The following DHX57 variants were observed in gnomAD, a reference collection of about 807,000 sequenced individuals.
DHX57 encodes the protein DExH-box helicase 57.
A neutral mutation model predicts 156.2 loss-of-function variants in DHX57; 105 were observed. The observed-to-expected ratio is 0.67, with a 90% CI of 0.57 to 0.79. The LOEUF is 0.79. Ranked by LOEUF, DHX57 falls within the 30% of genes least tolerant of loss-of-function variation. DHX57 has a pLI of 0.00. For synonymous variants in DHX57, 704 were observed against 595.6 expected (o/e 1.18, Z -2.65); for missense variants, 1,847 against 1,661.9 (o/e 1.11, Z -1.94).
rs754147605 is a variant in DHX57, at chr2:38,856,424, T to A, written c.1625A>T (p.Gln542Leu). The A allele has an allele frequency of 4.3e-6, 7 of 1,613,978 alleles. No homozygotes were observed. The highest frequency in any genetic ancestry group is 4.2e-6 in the Non-Finnish European group (5 of 1,179,978). ...TCTTTCTTCCCAAGCAGGGAGTGAT[T>A]GCCTCTCTTGCAGAATGGACTGGAA... ...RQFQSILQERQSLPAWEERET... is the reference protein window; with the variant it reads ...RQFQSILQERLSLPAWEERET... The change falls in exon 7 of 24, where the codon CAA (glutamine) becomes CTA (leucine). Residue 542 changes from glutamine (Q) to leucine (L), a missense_variant. Physicochemically the swap from Gln to Leu is moderately radical, Grantham distance 113. Coordinates refer to ENST00000457308, the MANE Select transcript of DHX57 (RefSeq NM_198963.3).
intron 13 of DHX57, among the ~76,000 whole-genome samples, chr2:38,837,109 A>C (rs1442517838): frequency 6.6e-6 from 1 of 152,082 alleles, no homozygotes; most frequent in African/African-American, 2.4e-5. Flanking sequence ...TTGGCCTCTC[A>C]AAGTGCTGGG....
At chr2:38,843,253 T>A (rs749442201) in intron 11 of DHX57, 43 bp from the exon 12 acceptor site, 14 of 1,600,646 alleles carry the variant, frequency 8.7e-6, no homozygotes, top group Admixed American at 3.3e-5. Context: ...TGTGGTCCTG[T>A]TGGTGAGGAG....
chr2:38,845,832 G>A (rs113828026), intron 11 of DHX57, among the ~76,000 whole-genome samples: 35 of 151,530 alleles, frequency 2.3e-4, no homozygotes, highest in African/African-American at 7.0e-4. Context: ...AACTCTATGC[G>A]AGTACAATGA....
chr2:38,870,438 G>A (rs1254655124), intron 1 of DHX57, among the ~76,000 whole-genome samples: 1 of 152,172 alleles, frequency 6.6e-6, no homozygotes. Flanking sequence ...AATGTTGAAG[G>A]TCAAAAGACA....
chr2:38,847,289 T>C (rs1672338705), intron 10 of DHX57, among the ~76,000 whole-genome samples: 1 of 152,290 alleles, frequency 6.6e-6, no homozygotes, highest in South Asian at 2.1e-4. Context: ...AGAGAAATGA[T>C]CCTTTGCTAA....
At chr2:38,845,603 C>A (rs574087085) in intron 11 of DHX57, among the ~76,000 whole-genome samples, 1 of 152,022 alleles carries the variant, frequency 6.6e-6, no homozygotes, top group Non-Finnish European at 1.5e-5. Flanking sequence ...ACAGGGATGA[C>A]AGCTGAAATC....
chr2:38,853,881 T>G (rs1374970291), intron 9 of DHX57, 173 bp downstream of exon 9: 1 of 534,228 alleles, frequency 1.9e-6, no homozygotes, highest in African/African-American at 1.9e-5. Flanking sequence ...TCCTTTTTAG[T>G]GTTACAGACC....
At chr2:38,827,505 AATAT>A (rs61667849) in intron 14 of DHX57, among the ~76,000 whole-genome samples, 44 of 10,132 alleles carry the variant, frequency 4.3e-3, no homozygotes, top group African/African-American at 6.1e-3. Context: ...AAAAAAAAAA[AATAT>A]ATATATATAT....
chr2:38,845,193 T>TA lies in DHX57; in HGVS notation c.2219+1825dup, dbSNP rs199749756. 1.6e-3 allele frequency among the ~76,000 whole-genome samples: 239 copies of TA among 147,102 alleles called. 1 individual carries two copies. The East Asian group carries it at 0.029, about 18-fold the overall frequency. On this transcript the variant is annotated intron_variant, in intron 11 of 23. Transcript: ENST00000457308. ...CCTGGGTGACAGAGTGAGGCTGTCT[T>TA]AAAAAAAAACAAAAAACAAACAAAA...
At chr2:38,843,499 C>T (rs1275649099) in intron 11 of DHX57, among the ~76,000 whole-genome samples, 1 of 152,158 alleles carries the variant, frequency 6.6e-6, no homozygotes, top group Non-Finnish European at 1.5e-5. Flanking sequence ...CTTAGTAACA[C>T]CCCTCTTCAT....
At chr2:38,858,449 T>C (rs1010340981) in intron 6 of DHX57, among the ~76,000 whole-genome samples, 9 of 152,212 alleles carry the variant, frequency 5.9e-5, no homozygotes, top group Admixed American at 5.9e-4. Flanking sequence ...ATTTGGCATA[T>C]ATGTGTGTGT....
chr2:38,813,437 C>T (rs1670373765), intron 21 of DHX57, among the ~76,000 whole-genome samples: 1 of 151,408 alleles, frequency 6.6e-6, no homozygotes, highest in Admixed American at 6.6e-5. Context: ...GTGGCGCAAT[C>T]TCGGCTCATT....
intron 2 of DHX57, chr2:38,867,246 G>A (rs1404290182): frequency 6.6e-6 from 1 of 152,198 alleles, no homozygotes; most frequent in Non-Finnish European, 1.5e-5. Flanking sequence ...TACATTCTAT[G>A]ATGTTTGCAC....
At chr2:38,854,216 T>A in intron 8 of DHX57, 38 bp from the exon 9 acceptor site, 2 of 1,588,802 alleles carry the variant, frequency 1.3e-6, no homozygotes, top group Admixed American at 1.8e-5. Flanking sequence ...ATTAATAAAA[T>A]TTTCAAAAAA....
intron 21 of DHX57, chr2:38,811,584 A>T (rs1670250016): frequency 2.2e-6 from 3 of 1,363,104 alleles, no homozygotes; most frequent in Non-Finnish European, 3.1e-6. Flanking sequence ...TTGTTCCTTC[A>T]GCCACACGAG....
chr2:38,824,903 C>A (rs1348913318), intron 16 of DHX57, among the ~76,000 whole-genome samples: 4 of 152,140 alleles, frequency 2.6e-5, no homozygotes, highest in Non-Finnish European at 5.9e-5. Flanking sequence ...CCTGCCCCAG[C>A]CTCCCAAAGT....
intron 19 of DHX57, chr2:38,815,992 T>C (rs1240888949): frequency 2.5e-6 from 1 of 398,332 alleles, no homozygotes; most frequent in African/African-American, 2.1e-5. Flanking sequence ...CAGCAAAAAA[T>C]GCTGTTTGTT....
chr2:38,801,165 C>A (rs1242597284), intron 23 of DHX57, among the ~76,000 whole-genome samples: 1 of 152,164 alleles, frequency 6.6e-6, no homozygotes, highest in Non-Finnish European at 1.5e-5. Context: ...CAATCAATTT[C>A]TTTTAATGTT....
At chr2:38,823,691 T>G (rs1191493276) in intron 16 of DHX57, among the ~76,000 whole-genome samples, 1 of 152,096 alleles carries the variant, frequency 6.6e-6, no homozygotes, top group Non-Finnish European at 1.5e-5. Flanking sequence ...CACTTCTAAG[T>G]ATACATCCAA....
Sources: gnomAD v4.1 joint callset for allele counts (sites outside exome capture counted in the v4.1 genomes callset) on GRCh38, gnomAD v4.1.1 for gene constraint, MANE v1.5 for transcripts, NCBI Gene and HGNC (gene_info 2026-07-23, HGNC 2026-07-21) for gene names.